The following MROH6 variants were observed in gnomAD, a reference collection of about 807,000 sequenced individuals.
MROH6 encodes the protein maestro heat like repeat family member 6, also known as maestro heat-like repeat-containing protein family member 6.
Under a neutral mutation model 67.7 loss-of-function variants are expected in MROH6, and 62 were observed. That is an observed-to-expected ratio of 0.92 (90% CI 0.75 to 1.13). The LOEUF (loss-of-function observed/expected upper bound fraction) is 1.13, where lower values mean the gene tolerates loss of function less well. Among genes scored for constraint, MROH6 ranks in the 50% most tolerant of loss-of-function variants. MROH6 has a pLI of 0.00. For missense variants in MROH6, 1,175 were observed against 1,029.1 expected (o/e 1.14, Z -1.94); for synonymous variants, 566 against 470.8 (o/e 1.20, Z -2.62).
rs1051472011 is a variant in MROH6, at chr8:143,567,407, G to A, written c.1992C>T (p.Ser664=). 19 of 1,292,228 alleles carry A rather than the reference G, an allele frequency of 1.5e-5. No individual in the cohort carries two copies. The East Asian group carries it at 2.5e-4, about 17-fold the overall frequency. 80.0% of individuals were successfully genotyped at this position (1,292,228 alleles called of 1,614,324 possible). A position where few individuals can be genotyped will look rare whatever the true frequency, so the allele number is the denominator to read the frequency against. ...KPAVAAAAHV[S]AQQVAMLARA... ...GGGCCAGCATCGCCACCTGCTGAGC[G>A]GACACGTGCGCTGCCGCGGCCACAG... Residue 664 remains serine (S), a synonymous_variant, in exon 14 of 14, where the codon TCC becomes TCT. Coordinates refer to ENST00000398882, the MANE Select transcript of MROH6 (RefSeq NM_001100878.2).
intron 11 of MROH6, 93 bp from the exon 12 acceptor site, chr8:143,567,981 G>GAGCCCCCAGGGC (rs1823728592): frequency 6.3e-6 from 9 of 1,430,770 alleles, no homozygotes; most frequent in Non-Finnish European, 8.4e-6. Context: ...GGTTCCAGGG[G>GAGCCCCCAGGGC]AGCCCCCAGG....
Position 143,571,774 on chromosome 8 carries a change from C to T in MROH6, c.495G>A (p.Ala165=), listed in dbSNP as rs368818348. The T allele has an allele frequency of 3.0e-5, 47 of 1,548,028 alleles. No homozygotes were observed. The highest frequency in any genetic ancestry group is 7.3e-5 in the East Asian group (3 of 41,126). Reference sequence around the variant, plus strand: ...GGGCCGCCCTCCAGGGCCTCCCCTCCGCTAGGCTGGGCACCTGCGCCAGCA... The same window carrying T: ...GGGCCGCCCTCCAGGGCCTCCCCTCTGCTAGGCTGGGCACCTGCGCCAGCA... The part of the protein sequence containing the change: ...RGLLAQVPSL[A]EGRPWRAALR... The change falls in exon 3 of 14, where the codon GCG becomes GCA. Residue 165 remains alanine (A), a synonymous_variant. Transcript: ENST00000398882.
rs1823867352 is a variant in MROH6, at chr8:143,569,498, C to T, written c.1419G>A (p.Ala473=). The T allele has an allele frequency of 1.3e-6, 2 of 1,485,120 alleles. No homozygotes were observed. Among genetic ancestry groups the T allele is most frequent in the South Asian group, 1.3e-5 (1 of 78,172 alleles). The allele number at this position is 1,485,120 out of a possible 1,614,324, so 92.0% of individuals were successfully genotyped here. A position where few individuals can be genotyped will look rare whatever the true frequency, so the allele number is the denominator to read the frequency against. ...ALRRLLLRPR[A]PVRLLSAELG... ...GCTCCGCGCTCAGGAGCCGCACAGG[C>T]GCCCGGGGCCGCAGCAGGAGCCTCC... is the stretch of plus-strand genomic sequence containing the variant. The change falls in exon 9 of 14, where the codon GCG becomes GCA. Residue 473 remains alanine, a synonymous_variant. Coordinates refer to ENST00000398882, the MANE Select transcript of MROH6 (RefSeq NM_001100878.2).
intron 4 of MROH6, 52 bp from the exon 5 acceptor site, chr8:143,570,709 G>A: frequency 6.5e-7 from 1 of 1,537,264 alleles, no homozygotes; most frequent in Non-Finnish European, 8.7e-7. Context: ...AGCTGCACTG[G>A]GCAGCAGAGG....
In MROH6 at chr8:143,567,793, C is replaced by A; in HGVS notation, c.1860G>T (p.Val620=). ...GACCCCGGGCGGCCTCACCTATAAG[C>A]ACGGCGGCTGCCCGGCGCAGGGGGT... is the stretch of plus-strand genomic sequence containing the variant. ...PQDPLRRAAA[V]LIGFLVHHAS... Residue 620 remains valine, a synonymous_variant, in exon 12 of 14, where the codon GTG becomes GTT. Transcript: ENST00000398882. 6.4e-7 allele frequency: 1 copy of A among 1,551,426 alleles called. No individual in the cohort carries two copies. Among genetic ancestry groups the A allele is most frequent in the Non-Finnish European group, 8.7e-7 (1 of 1,147,900 alleles).
intron 6 of MROH6, 24 bp downstream of exon 6, chr8:143,570,218 TG>T: frequency 1.3e-6 from 2 of 1,564,236 alleles, no homozygotes. Flanking sequence ...TGTGACACCC[TG>T]GGGCCCCTCC....
rs1206435877 is a variant in MROH6, at chr8:143,567,833, A to G, written c.1820T>C (p.Leu607Pro). 2 of 1,532,416 alleles carry G rather than the reference A, an allele frequency of 1.3e-6. No homozygotes were observed. The highest frequency in any genetic ancestry group is 1.8e-6 in the Non-Finnish European group (2 of 1,140,754). 94.9% of individuals were successfully genotyped at this position (1,532,416 alleles called of 1,614,324 possible). The change falls in exon 12 of 14, where the codon CTG (leucine) becomes CCG (proline). Residue 607 changes from leucine to proline, a missense_variant. Physicochemically the swap from Leu to Pro is moderately conservative, Grantham distance 98. Coordinates refer to ENST00000398882, the MANE Select transcript of MROH6 (RefSeq NM_001100878.2). Reference protein sequence around the residue: ...PNFLSQTQGYLRSPQDPLRRA... With the variant: ...PNFLSQTQGYPRSPQDPLRRA... ...GCGCAGGGGGTCCTGTGGACTCCGC[A>G]GGTAGCCCTGGGTCTGGCTCAGGAA...
chr8:143,568,727 G>A lies in MROH6; in HGVS notation c.1477-8C>T. ...GCGGATTGAGTCCCGTGTCTGCGTG[G>A]GAGGGCGCAGTCAGGGCAGGCGGAG... On this transcript the variant is annotated splice_polypyrimidine_tract_variant and splice_region_variant and intron_variant, in intron 9 of 13. Transcript: ENST00000398882. 1 of 1,474,472 alleles carries A rather than the reference G, an allele frequency of 6.8e-7. No individual in the cohort carries two copies. Among genetic ancestry groups the A allele is most frequent in the Non-Finnish European group, 9.0e-7 (1 of 1,114,356 alleles). 91.3% of individuals were successfully genotyped at this position (1,474,472 alleles called of 1,614,324 possible). A position where few individuals can be genotyped will look rare whatever the true frequency, so the allele number is the denominator to read the frequency against.
At chr8:143,569,930 C>T in intron 7 of MROH6, 21 bp downstream of exon 7, 1 of 1,612,376 alleles carries the variant, frequency 6.2e-7, no homozygotes, top group Non-Finnish European at 8.5e-7. Flanking sequence ...CCTTCACCAC[C>T]CATCCGGGAA....
Position 143,569,628 on chromosome 8 carries a change from G to T in MROH6, c.1303-14C>A. On this transcript the variant is annotated splice_polypyrimidine_tract_variant and intron_variant, in intron 8 of 13. Transcript: ENST00000398882. ...CACGTGCCGCACCTGCTGGGACTCG[G>T]GGTCAGCCTCTTGCAGACCTCGCCG... 6.3e-7 allele frequency: 1 copy of T among 1,586,030 alleles called. No individual in the cohort carries two copies. The highest frequency in any genetic ancestry group is 8.6e-7 in the Non-Finnish European group (1 of 1,164,970).
chr8:143,570,009 G>C lies in MROH6; in HGVS notation c.1100C>G (p.Pro367Arg). The change falls in exon 7 of 14, where the codon CCT becomes CGT. Residue 367 changes from proline (P) to arginine (R), a missense_variant. Transcript: ENST00000398882. ...CGGGTCGTCCGCGCTGCGAAGCCGA[G>C]GGAGCAAGTCTGCGAAGAGGCCTCG... ...HLRGLFADLL[P>R]RLRSADDPQR... The C allele has an allele frequency of 6.2e-7, 1 of 1,610,346 alleles. No individual in the cohort carries two copies. Among genetic ancestry groups the C allele is most frequent in the African/African-American group, 1.4e-5 (1 of 72,484 alleles).
intron 4 of MROH6, 94 bp from the exon 5 acceptor site, chr8:143,570,751 CCTCAG>C: frequency 6.9e-7 from 1 of 1,450,358 alleles, no homozygotes; most frequent in Non-Finnish European, 9.3e-7. Flanking sequence ...ATGGGGACAG[CCTCAG>C]ACACGCATGG....
Position 143,568,630 on chromosome 8 carries a change from G to T in MROH6, c.1566C>A (p.Gly522=). 6.5e-7 allele frequency: 1 copy of T among 1,537,932 alleles called. No homozygotes were observed. The highest frequency in any genetic ancestry group is 2.4e-5 in the East Asian group (1 of 41,192). The change falls in exon 10 of 14, where the codon GGC becomes GGA. Residue 522 remains glycine, a synonymous_variant. Coordinates refer to ENST00000398882, the MANE Select transcript of MROH6 (RefSeq NM_001100878.2). ...TCTGCAGCACCAGCTTCCGCAGGGGGCCGCGGAGCCCCAGCCGGAGCCCGC... is the reference window on the plus strand; with the variant it reads ...TCTGCAGCACCAGCTTCCGCAGGGGTCCGCGGAGCCCCAGCCGGAGCCCGC... ...GRGGLRLGLR[G]PLRKLVLQSL...
chr8:143,570,787 C>T (rs1823979746), intron 4 of MROH6, 90 bp downstream of exon 4: 1 of 1,410,970 alleles, frequency 7.1e-7, no homozygotes, highest in Non-Finnish European at 9.6e-7. Context: ...GAGCAGTTAC[C>T]TAGGTGCAAA....
Position 143,571,682 on chromosome 8 carries a change from G to C in MROH6, c.587C>G (p.Ser196Cys). 1 of 1,554,540 alleles carries C rather than the reference G, an allele frequency of 6.4e-7. No homozygotes were observed. Among genetic ancestry groups the C allele is most frequent in the South Asian group, 1.2e-5 (1 of 84,464 alleles). Residue 196 changes from serine (S) to cysteine (C), a missense_variant, in exon 3 of 14, where the codon TCT (serine) becomes TGT (cysteine). Physicochemically the swap from Ser to Cys is moderately radical, Grantham distance 112. Coordinates refer to ENST00000398882, the MANE Select transcript of MROH6 (RefSeq NM_001100878.2). ...RDVVCALLPR[S>C]LPADRVAAEL... is the part of the protein sequence containing the mutation. ...GTTGGGTTACCGATCGGCGGGCAGA[G>C]AGCGGGGTAGCAGCGCACACACCAC...
rs1173277547 is a variant in MROH6, at chr8:143,572,108, G to T, written c.372C>A (p.Gly124=). The T allele has an allele frequency of 1.9e-6, 3 of 1,612,996 alleles. No homozygotes were observed. The East Asian group carries it at 6.7e-5, about 36-fold the overall frequency. ...LYTAACLEEA[G]FAGTQATVLT... ...GCACTGTCGCCTGGGTCCCTGCAAA[G>T]CCAGCCTCCTCCAGGCAGGCAGCCG... The change falls in exon 2 of 14, where the codon GGC becomes GGA. Residue 124 remains glycine (G), a synonymous_variant. Transcript: ENST00000398882.
chr8:143,568,659 G>A lies in MROH6; in HGVS notation c.1537C>T (p.Arg513Trp), dbSNP rs1004893694. Reference protein sequence around the residue: ...GLLGTLVRRGRGGLRLGLRGP... With the variant: ...GLLGTLVRRGWGGLRLGLRGP... ...CGGAGCCCCAGCCGGAGCCCGCCCCGGCCCCGGCGCACCAGAGTCCCAAGG... is the reference window on the plus strand; with the variant it reads ...CGGAGCCCCAGCCGGAGCCCGCCCCAGCCCCGGCGCACCAGAGTCCCAAGG... The change falls in exon 10 of 14, where the codon CGG becomes TGG. Residue 513 changes from arginine (R) to tryptophan (W), a missense_variant. By Grantham distance (101) the Arg-to-Trp change is moderately radical. Coordinates refer to ENST00000398882, the MANE Select transcript of MROH6 (RefSeq NM_001100878.2). 4 of 1,531,706 alleles carry A rather than the reference G, an allele frequency of 2.6e-6. No individual in the cohort carries two copies. The highest frequency in any genetic ancestry group is 2.8e-5 in the African/African-American group (2 of 72,640). 94.9% of individuals were successfully genotyped at this position (1,531,706 alleles called of 1,614,324 possible). A position where few individuals can be genotyped will look rare whatever the true frequency, so the allele number is the denominator to read the frequency against.
chr8:143,569,314 GGGGCGGGGCCTGAGA>G (rs1229998306), intron 9 of MROH6, 112 bp downstream of exon 9: 19 of 576,728 alleles, frequency 3.3e-5, no homozygotes, highest in East Asian at 3.8e-5. Context: ...CTGGAAGGGC[GGGGCGGGGCCTGAGA>G]GGGCGGGGCC....
Position 143,568,701 on chromosome 8 carries a change from C to T in MROH6, c.1495G>A (p.Ala499Thr). The T allele has an allele frequency of 6.7e-7, 1 of 1,500,506 alleles. No homozygotes were observed. The highest frequency in any genetic ancestry group is 8.9e-7 in the Non-Finnish European group (1 of 1,127,982). 92.9% of individuals were successfully genotyped at this position (1,500,506 alleles called of 1,614,324 possible). Reference sequence around the variant, plus strand: ...GTCCCAAGGAGCCCGACGGCCGAGGCGCGGATTGAGTCCCGTGTCTGCGTG... The same window carrying T: ...GTCCCAAGGAGCCCGACGGCCGAGGTGCGGATTGAGTCCCGTGTCTGCGTG... ...LLDDTRDSIR[A>T]SAVGLLGTLV... The change falls in exon 10 of 14, where the codon GCC (alanine) becomes ACC (threonine). Residue 499 changes from alanine to threonine, a missense_variant. Coordinates refer to ENST00000398882, the MANE Select transcript of MROH6 (RefSeq NM_001100878.2).
Sources: allele counts gnomAD v4.1 joint callset, GRCh38; gene constraint gnomAD v4.1.1; transcripts MANE v1.5; gene names NCBI Gene and HGNC (gene_info 2026-07-23, HGNC 2026-07-21).